Variants in FSTL1 observed in about 807,000 individuals in gnomAD.
The protein encoded by FSTL1 is follistatin like 1.
FSTL1 carries 24 observed loss-of-function variants against 45.9 expected under a neutral mutation model. That is an observed-to-expected ratio of 0.52 (90% confidence interval 0.38 to 0.74). The LOEUF is 0.74. FSTL1 is among the 30% of genes least tolerant of loss of function. The pLI is 0.00. For synonymous variants in FSTL1, 120 were observed against 137.6 expected, an observed-to-expected ratio of 0.87 and a Z score of 0.89; for missense variants, 340 against 381.8, an observed-to-expected ratio of 0.89 and a Z score of 0.91.
Position 120,411,814 on chromosome 3 carries a change from G to A in FSTL1, c.298+40C>T, listed in dbSNP as rs868766499. On this transcript the variant is annotated intron_variant, in intron 4 of 10. Coordinates refer to ENST00000295633, the MANE Select transcript of FSTL1 (RefSeq NM_007085.5). ...ACACTGCTCTGTTCCTTGGCTCCCC[G>A]TGGCTAAAGCTGCCTTGCAGTGGTG... 19 of 1,586,342 alleles carry A rather than the reference G, an allele frequency of 1.2e-5. No homozygotes were observed. In the Admixed American group the frequency reaches 2.0e-4, roughly 17 times the overall value.
intron 2 of FSTL1, among the ~76,000 whole-genome samples, chr3:120,446,458 C>A (rs1259335): frequency 1.3e-5 from 2 of 152,140 alleles, no homozygotes; most frequent in Admixed American, 6.5e-5. Flanking sequence ...CCAGGGCCTC[C>A]TATGCTGGGT....
rs770357446 is a variant in FSTL1 at position 120,402,812 on chromosome 3, A to G, written c.801T>C (p.Cys267=). Reference sequence around the variant, plus strand: ...TCTGCTTGAAGCACAGCTCACCGTCACAGGTCATGGCTGTACAGACCCAAT... The same window carrying G: ...TCTGCTTGAAGCACAGCTCACCGTCGCAGGTCATGGCTGTACAGACCCAAT... ...CGNWVCTAMT[C]DGKNQKGAQT... Residue 267 remains cysteine (C), a synonymous_variant, in exon 9 of 11, where the codon TGT becomes TGC. Coordinates refer to ENST00000295633, the MANE Select transcript of FSTL1 (RefSeq NM_007085.5). 2.6e-6 allele frequency: 4 copies of G among 1,568,208 alleles called. No individual in the cohort carries two copies. Among genetic ancestry groups the G allele is most frequent in the Non-Finnish European group, 3.5e-6 (4 of 1,138,182 alleles).
At chr3:120,402,081 G>C (rs758275233) in intron 9 of FSTL1, among the ~76,000 whole-genome samples, 31 of 152,114 alleles carry the variant, frequency 2.0e-4, no homozygotes, top group African/African-American at 5.6e-4. Flanking sequence ...TGGGACTCCA[G>C]TGGTTCCAAC....
Position 120,396,639 on chromosome 3 carries a change from G to A in FSTL1, c.*313C>T, listed in dbSNP as rs1240450458. On this transcript the variant is annotated 3_prime_UTR_variant, in exon 11 of 11. Coordinates refer to ENST00000295633, the MANE Select transcript of FSTL1 (RefSeq NM_007085.5). Reference sequence around the variant, plus strand: ...TCCCTGCAGCCTGCTGACAGATGCAGTAAACTCAAAAGAGGTTCAGATTTG... The same window carrying A: ...TCCCTGCAGCCTGCTGACAGATGCAATAAACTCAAAAGAGGTTCAGATTTG... 3.3e-6 allele frequency: 1 copy of A among 301,890 alleles called. No homozygotes were observed. The highest frequency in any genetic ancestry group is 6.2e-6 in the Non-Finnish European group (1 of 162,290). The allele number at this position is 301,890 out of a possible 1,614,324, so 18.7% of individuals were successfully genotyped here. A position where few individuals can be genotyped will look rare whatever the true frequency, so the allele number is the denominator to read the frequency against.
At chr3:120,427,702 GTTAA>G (rs991956102) in intron 2 of FSTL1, among the ~76,000 whole-genome samples, 9 of 152,232 alleles carry the variant, frequency 5.9e-5, no homozygotes, top group Non-Finnish European at 1.3e-4. Flanking sequence ...GCATATGTGT[GTTAA>G]TGAGGTAGAA....
At chr3:120,444,770 G>T (rs1378594826) in intron 2 of FSTL1, among the ~76,000 whole-genome samples, 1 of 149,978 alleles carries the variant, frequency 6.7e-6, no homozygotes, top group African/African-American at 2.5e-5. Context: ...ACTACCTACA[G>T]ATAATTTCTA....
At chr3:120,411,015 C>A (rs370427588) in intron 4 of FSTL1, 31 bp from the exon 5 acceptor site, 2 of 1,571,484 alleles carry the variant, frequency 1.3e-6, no homozygotes, top group African/African-American at 1.4e-5. Context: ...ACGTGTAATG[C>A]GAAGTGAAGG....
intron 2 of FSTL1, among the ~76,000 whole-genome samples, chr3:120,430,433 T>TGGGGTGGTCA (rs1026647343): frequency 1.3e-5 from 2 of 152,206 alleles, no homozygotes; most frequent in African/African-American, 4.8e-5. Flanking sequence ...TCAAGATTTC[T>TGGGGTGGTCA]GGGGTGGTCA....
Position 120,393,596 on chromosome 3 carries a change from A to C in FSTL1, c.*3356T>G, listed in dbSNP as rs1936632499. On this transcript the variant is annotated 3_prime_UTR_variant, in exon 11 of 11. Transcript: ENST00000295633. ...CTCACAGGCTACTGCAGTCAGCCTC[A>C]CTGGATGCCATTTAGTCTCCTAAAT... 1 of 152,192 alleles carries C rather than the reference A, an allele frequency of 6.6e-6. No homozygotes were observed. The highest frequency in any genetic ancestry group is 2.1e-4 in the South Asian group (1 of 4,830). 9.4% of individuals were successfully genotyped at this position (152,192 alleles called of 1,614,324 possible).
intron 2 of FSTL1, among the ~76,000 whole-genome samples, chr3:120,417,601 A>T (rs1246240244): frequency 6.6e-6 from 1 of 152,224 alleles, no homozygotes; most frequent in Non-Finnish European, 1.5e-5. Flanking sequence ...GTTTTCCTAA[A>T]CAGAGAGTGG....
chr3:120,410,965 T>C lies in FSTL1; in HGVS notation c.318A>G (p.Pro106=), dbSNP rs1313650129. 5.0e-6 allele frequency: 8 copies of C among 1,611,676 alleles called. 1 individual carries two copies. In the South Asian group the frequency reaches 6.6e-5, roughly 13 times the overall value. Residue 106 remains proline, a synonymous_variant, in exon 5 of 11, where the codon CCA becomes CCG. Transcript: ENST00000295633. ...ATAGGCACTCACCTGGGCTGGCAGA[T>C]GGACTTACGGATTTCTTCTCTGCAA... ...GHCKEKKSVS[P]SASPVVCYQS...
intron 7 of FSTL1, among the ~76,000 whole-genome samples, 158 bp from the exon 8 acceptor site, chr3:120,403,512 C>A (rs1051287622): frequency 5.3e-5 from 8 of 152,182 alleles, no homozygotes; most frequent in Non-Finnish European, 1.2e-4. Context: ...CCCAACACAA[C>A]TATTATCCAT....
At chr3:120,438,270 T>G (rs3215292) in intron 2 of FSTL1, 1 of 141,052 alleles carries the variant, frequency 7.1e-6, no homozygotes, top group South Asian at 2.3e-4. Flanking sequence ...CTTCCCTTTT[T>G]CCCCCCAAAA....
chr3:120,433,794 A>C (rs1007203567), intron 2 of FSTL1, among the ~76,000 whole-genome samples: 11 of 152,196 alleles, frequency 7.2e-5, no homozygotes, highest in African/African-American at 2.2e-4. Context: ...ACGAAAGTAG[A>C]AAAGTGCAAA....
At chr3:120,447,019 G>A (rs371583096) in intron 2 of FSTL1, among the ~76,000 whole-genome samples, 35 of 152,284 alleles carry the variant, frequency 2.3e-4, no homozygotes, top group African/African-American at 8.4e-4. Flanking sequence ...AGTGACAGCA[G>A]AGACATCCAC....
chr3:120,411,396 T>C (rs181498279), intron 4 of FSTL1: 67 of 195,202 alleles, frequency 3.4e-4, no homozygotes, highest in African/African-American at 1.6e-3. Flanking sequence ...GGTATCTAAT[T>C]AGCAACAAGT....
At position 120,392,298 on chromosome 3, in the gene FSTL1, CATGA is replaced by C. The variant is rs1208272420; in HGVS notation, c.*4650_*4653del. The C allele has an allele frequency of 1.3e-5, 2 of 152,152 alleles. No individual in the cohort carries two copies. Among genetic ancestry groups the C allele is most frequent in the African/African-American group, 4.8e-5 (2 of 41,436 alleles). 9.4% of individuals were successfully genotyped at this position (152,152 alleles called of 1,614,324 possible). On this transcript the variant is annotated 3_prime_UTR_variant, in exon 11 of 11. Transcript: ENST00000295633. The stretch of plus-strand genomic sequence containing the variant: ...AAGAAAATGACAAGAACCAATTATT[CATGA>C]GATGATATTTAATCTTACAAAAGGA...
Position 120,394,993 on chromosome 3 carries a change from C to A in FSTL1, c.*1959G>T. On this transcript the variant is annotated 3_prime_UTR_variant, in exon 11 of 11. Coordinates refer to ENST00000295633, the MANE Select transcript of FSTL1 (RefSeq NM_007085.5). ...CCATAGTGTCCAAGGGCTGGTAAAA[C>A]CTTTGATTAAGGCGTGCTGCTGTGA... 1 of 152,504 alleles carries A rather than the reference C, an allele frequency of 6.6e-6. No individual in the cohort carries two copies. Among genetic ancestry groups the A allele is most frequent in the Non-Finnish European group, 1.5e-5 (1 of 68,238 alleles). 9.4% of individuals were successfully genotyped at this position (152,504 alleles called of 1,614,324 possible). A position where few individuals can be genotyped will look rare whatever the true frequency, so the allele number is the denominator to read the frequency against.
At chr3:120,430,146 G>A (rs1477977025) in intron 2 of FSTL1, among the ~76,000 whole-genome samples, 1 of 152,214 alleles carries the variant, frequency 6.6e-6, no homozygotes, top group Admixed American at 6.5e-5. Flanking sequence ...TGAGCATGTG[G>A]TTCAGCCACA....
Sources: gnomAD v4.1 joint callset for allele counts (sites outside exome capture counted in the v4.1 genomes callset) on GRCh38, gnomAD v4.1.1 for gene constraint, MANE v1.5 for transcripts, NCBI Gene and HGNC (gene_info 2026-07-23, HGNC 2026-07-21) for gene names.